Variants in SYN2 observed in about 807,000 individuals in gnomAD.
The protein encoded by SYN2 is synapsin-2.
Under a neutral mutation model 50.9 loss-of-function variants are expected in SYN2, and 19 were observed. That is an observed-to-expected ratio of 0.37 (90% CI 0.26 to 0.55). The LOEUF is 0.55. SYN2 is among the 20% of genes least tolerant of loss of function. The pLI, the probability that SYN2 is intolerant of heterozygous loss-of-function variation, is 0.81. For missense variants in SYN2, 587 were observed against 576.4 expected (o/e 1.02, Z -0.19); for synonymous variants, 255 against 224.9 (o/e 1.13, Z -1.20).
intron 1 of SYN2, among the ~76,000 whole-genome samples, chr3:12,033,785 G>C (rs1279446611): frequency 6.6e-6 from 1 of 152,068 alleles, no homozygotes; most frequent in African/African-American, 2.4e-5. Context: ...TTTGTGTCCA[G>C]CTTTTTTCAT....
chr3:12,094,882 A>C (rs768423421), intron 1 of SYN2, among the ~76,000 whole-genome samples: 78 of 152,198 alleles, frequency 5.1e-4, no homozygotes, highest in South Asian at 2.5e-3. Context: ...TATGGAAGGG[A>C]AATATTGAGT....
chr3:12,167,830 G>A (rs917003730), intron 8 of SYN2, among the ~76,000 whole-genome samples: 17 of 152,164 alleles, frequency 1.1e-4, no homozygotes, highest in African/African-American at 3.9e-4. Context: ...TGACCAAAAT[G>A]CTGATAAAAA....
At chr3:12,149,750 G>A (rs1210920259) in intron 4 of SYN2, among the ~76,000 whole-genome samples, 1 of 152,108 alleles carries the variant, frequency 6.6e-6, no homozygotes, top group Non-Finnish European at 1.5e-5. Flanking sequence ...ACTAAAGGGA[G>A]GGACCTAGGA....
At chr3:12,105,374 C>A (rs1459812841) in intron 1 of SYN2, among the ~76,000 whole-genome samples, 1 of 151,764 alleles carries the variant, frequency 6.6e-6, no homozygotes, top group Non-Finnish European at 1.5e-5. Context: ...TCACTATAGT[C>A]TTTTATCTAT....
chr3:12,126,004 G>A (rs949495744), intron 1 of SYN2, among the ~76,000 whole-genome samples: 2 of 152,190 alleles, frequency 1.3e-5, no homozygotes, highest in Non-Finnish European at 1.5e-5. Context: ...AGACAGACTA[G>A]AGTCTTTAAG....
intron 11 of SYN2, 170 bp downstream of exon 11, chr3:12,183,542 G>T: frequency 6.5e-7 from 1 of 1,534,872 alleles, no homozygotes; most frequent in South Asian, 1.2e-5. Context: ...TGCCGTTGCT[G>T]CGTTCTTTCA....
chr3:12,185,286 G>A, intron 11 of SYN2: 5 of 985,676 alleles, frequency 5.1e-6, no homozygotes, highest in Non-Finnish European at 4.8e-6. Flanking sequence ...TTGTCCAAGC[G>A]ATGAGCTGAC....
intron 5 of SYN2, among the ~76,000 whole-genome samples, chr3:12,160,301 A>G (rs1257730922): frequency 6.6e-6 from 1 of 152,102 alleles, no homozygotes; most frequent in East Asian, 1.9e-4. Context: ...TTCATAAAGT[A>G]GAGTTGAACT....
At chr3:12,160,166 C>T (rs1047736471) in intron 5 of SYN2, among the ~76,000 whole-genome samples, 2 of 151,760 alleles carry the variant, frequency 1.3e-5, no homozygotes, top group East Asian at 1.9e-4. Flanking sequence ...AATCCCAAAT[C>T]TCCATGGGAT....
chr3:12,004,888 G>T lies in SYN2; in HGVS notation c.337G>T (p.Ala113Ser). ...TCCCGCGCCCGCAGCCGCCAGGAAG[G>T]CCAAGGTGCTGCTGGTGGTCGACGA... The part of the protein sequence containing the change: ...PAPAPAAARK[A>S]KVLLVVDEPH... Residue 113 changes from alanine to serine, a missense_variant, in exon 1 of 13, where the codon GCC becomes TCC. Coordinates refer to ENST00000621198, the MANE Select transcript of SYN2 (RefSeq NM_133625.6). 1 of 585,134 alleles carries T rather than the reference G, an allele frequency of 1.7e-6. No homozygotes were observed. Among genetic ancestry groups the T allele is most frequent in the Admixed American group, 2.8e-5 (1 of 35,122 alleles). The allele number at this position is 585,134 out of a possible 1,614,324, so 36.2% of individuals were successfully genotyped here.
chr3:12,159,144 G>A (rs752772085), intron 5 of SYN2: 3 of 393,384 alleles, frequency 7.6e-6, no homozygotes, highest in Non-Finnish European at 1.4e-5. Flanking sequence ...CTGGGAGAGG[G>A]GATGGTGTCA....
chr3:12,088,888 A>G (rs1441463693), intron 1 of SYN2, among the ~76,000 whole-genome samples: 1 of 152,186 alleles, frequency 6.6e-6, no homozygotes, highest in Admixed American at 6.5e-5. Context: ...TGGAAGGGGA[A>G]AGGAGAACTG....
chr3:12,160,668 G>T (rs1251192642), intron 5 of SYN2, among the ~76,000 whole-genome samples: 1 of 152,228 alleles, frequency 6.6e-6, no homozygotes, highest in Non-Finnish European at 1.5e-5. Flanking sequence ...TCATTGGACA[G>T]ATGTGAAGGC....
At chr3:12,056,266 G>A (rs2125158813) in intron 1 of SYN2, among the ~76,000 whole-genome samples, 1 of 152,166 alleles carries the variant, frequency 6.6e-6, no homozygotes, top group Admixed American at 6.5e-5. Flanking sequence ...AGTCAAGAGA[G>A]TGGTTACCTT....
intron 1 of SYN2, among the ~76,000 whole-genome samples, chr3:12,040,318 C>T (rs1330183546): frequency 6.6e-6 from 1 of 151,696 alleles, no homozygotes; most frequent in Non-Finnish European, 1.5e-5. Flanking sequence ...CTCTGATGAA[C>T]AGGAGAGAAT....
At chr3:12,094,775 G>A (rs1310217403) in intron 1 of SYN2, among the ~76,000 whole-genome samples, 1 of 152,134 alleles carries the variant, frequency 6.6e-6, no homozygotes, top group Non-Finnish European at 1.5e-5. Context: ...TGATGCACAA[G>A]GAGAGAAGAG....
At chr3:12,157,428 G>A in intron 5 of SYN2, 1 of 1,614,148 alleles carries the variant, frequency 6.2e-7, no homozygotes, top group Non-Finnish European at 8.5e-7. Context: ...TTCAGTGTCA[G>A]CAGGGTCTGC....
At chr3:12,159,081 A>T in intron 5 of SYN2, 1 of 514,940 alleles carries the variant, frequency 1.9e-6, no homozygotes, top group Non-Finnish European at 3.3e-6. Context: ...GGAGGCCCTG[A>T]CCTCTGTTTC....
In SYN2 at chr3:12,168,404, G is replaced by C; in HGVS notation, c.1084G>C (p.Glu362Gln). 1 of 1,613,922 alleles carries C rather than the reference G, an allele frequency of 6.2e-7. No individual in the cohort carries two copies. Among genetic ancestry groups the C allele is most frequent in the South Asian group, 1.1e-5 (1 of 91,002 alleles). Residue 362 changes from glutamate (E) to glutamine (Q), a missense_variant, in exon 9 of 13, where the codon GAG becomes CAG. Coordinates refer to ENST00000621198, the MANE Select transcript of SYN2 (RefSeq NM_133625.6). ...CAAACTGTGGGTGGACACCTGCTCT[G>C]AGATGTTTGGCGGCCTGGACATCTG... ...RYKLWVDTCSEMFGGLDICAV... is the reference protein window; with the variant it reads ...RYKLWVDTCSQMFGGLDICAV...
Sources: allele counts gnomAD v4.1 joint callset (sites outside exome capture counted in the v4.1 genomes callset), GRCh38; gene constraint gnomAD v4.1.1; transcripts MANE v1.5; gene names NCBI Gene and HGNC (gene_info 2026-07-23, HGNC 2026-07-21).